Variants in RBFOX3 observed in about 807,000 individuals in gnomAD.
The protein encoded by RBFOX3 is RNA binding protein fox-1 homolog 3.
A neutral mutation model predicts 48.7 loss-of-function variants in RBFOX3; 17 were observed. That is an observed-to-expected ratio of 0.35 (90% CI 0.24 to 0.52). The LOEUF is 0.52. Among genes scored for constraint, RBFOX3 ranks in the 20% least tolerant of loss-of-function variants. RBFOX3 has a pLI of 0.94. For missense variants in RBFOX3, 382 were observed against 497.5 expected, an observed-to-expected ratio of 0.77 and a Z score of 2.21; for synonymous variants, 212 against 209.5, an observed-to-expected ratio of 1.01 and a Z score of -0.10.
chr17:79,600,024 G>A (rs1214199484), intron 1 of RBFOX3: 4 of 152,234 alleles, frequency 2.6e-5, no homozygotes, highest in Admixed American at 1.3e-4. Flanking sequence ...GAGTCTTCAA[G>A]GTACTGAAAT....
At chr17:79,294,868 C>T (rs2074067308) in intron 3 of RBFOX3, among the ~76,000 whole-genome samples, 2 of 152,222 alleles carry the variant, frequency 1.3e-5, no homozygotes, top group Admixed American at 1.3e-4. Flanking sequence ...GATTGCTTGT[C>T]ACTTGCTTTA....
rs77704088 is a variant in RBFOX3 at position 79,323,257 on chromosome 17, A to G, written c.-174-15433T>C. On this transcript the variant is annotated intron_variant, in intron 2 of 14. Coordinates refer to ENST00000693108, the MANE Select transcript of RBFOX3 (RefSeq NM_001350451.2). ...TGCTATTGTTTTCCACAATATCAAG[A>G]AAAACATTGAGCTAGGGCATCTCAA... 3.2e-3 allele frequency among the ~76,000 whole-genome samples: 488 copies of G among 152,346 alleles called. 1 individual carries two copies. The highest frequency in any genetic ancestry group is 0.011 in the African/African-American group (471 of 41,580).
At chr17:79,655,085 C>T in the RBFOX3 span, among the ~76,000 whole-genome samples, 1 of 152,208 alleles carries the variant, frequency 6.6e-6, no homozygotes, top group Non-Finnish European at 1.5e-5. Flanking sequence ...AGTAGATGAA[C>T]ACACCGGGCC....
In RBFOX3 at chr17:79,115,737, G is replaced by T; in HGVS notation, c.-22C>A. The T allele has an allele frequency of 1.4e-6, 1 of 736,768 alleles. No homozygotes were observed. Among genetic ancestry groups the T allele is most frequent in the Non-Finnish European group, 2.3e-6 (1 of 433,912 alleles). The allele number at this position is 736,768 out of a possible 1,614,324, so 45.6% of individuals were successfully genotyped here. On this transcript the variant is annotated 5_prime_UTR_variant, in exon 5 of 15. Coordinates refer to ENST00000693108, the MANE Select transcript of RBFOX3 (RefSeq NM_001350451.2). The stretch of plus-strand genomic sequence containing the variant: ...CCATCGCTTCAGGCGGAGCCGTGGC[G>T]TCCTGATCGCTCTGTGGAAGGAGAG...
rs908971136 is a variant in RBFOX3, at chr17:79,597,335, C to T, written c.-320+13491G>A. Among the ~76,000 whole-genome samples, 206 of 152,224 alleles carry T rather than the reference C, an allele frequency of 1.4e-3. 2 individuals are homozygous for T. Among genetic ancestry groups the T allele is most frequent in the African/African-American group, 4.8e-3 (198 of 41,524 alleles). ...GCATTGGGAATGAGAGAGTGTTGGC[C>T]GGGTAAGATGGCAAGACAGACACAG... On this transcript the variant is annotated intron_variant, in intron 1 of 14. Coordinates refer to ENST00000693108, the MANE Select transcript of RBFOX3 (RefSeq NM_001350451.2).
At chr17:79,450,441 T>C (rs1332795461) in intron 2 of RBFOX3, among the ~76,000 whole-genome samples, 1 of 152,042 alleles carries the variant, frequency 6.6e-6, no homozygotes, top group East Asian at 1.9e-4. Flanking sequence ...GATGTCCCCA[T>C]CGGAGCCATC....
the RBFOX3 span, among the ~76,000 whole-genome samples, chr17:79,630,089 T>C: frequency 1.3e-5 from 2 of 152,218 alleles, no homozygotes; most frequent in South Asian, 4.1e-4. Flanking sequence ...ATTTTTTAAC[T>C]TGGTAAGGCA....
chr17:79,150,623 A>G (rs1176643024), intron 4 of RBFOX3, among the ~76,000 whole-genome samples: 1 of 152,068 alleles, frequency 6.6e-6, no homozygotes, highest in Non-Finnish European at 1.5e-5. Context: ...AGTAGGGGAT[A>G]CCTGACCACC....
intron 2 of RBFOX3, among the ~76,000 whole-genome samples, chr17:79,389,969 AGCCTCCGGGTCTCCGCAGCCTCCAG>A (rs2061131219): frequency 7.0e-6 from 1 of 143,364 alleles, no homozygotes; most frequent in Admixed American, 6.9e-5. Flanking sequence ...AGGTCTCTGT[AGCCTCCGGGTCTCCGCAGCCTCCAG>A]GTCTCCGCAG....
chr17:79,427,631 C>T (rs1419906506), intron 2 of RBFOX3, among the ~76,000 whole-genome samples: 1 of 152,192 alleles, frequency 6.6e-6, no homozygotes. Flanking sequence ...ACCGTGGAGA[C>T]CCTTGTTAGG....
chr17:79,101,604 G>A lies in RBFOX3; in HGVS notation c.548C>T (p.Thr183Met), dbSNP rs542684395. Reference sequence around the variant, plus strand: ...CTTACCGTTGGTGTAGGGGTTCCCCGTCTTCTTGTTGGTCATCACTCGGGC... The same window carrying A: ...CTTACCGTTGGTGTAGGGGTTCCCCATCTTCTTGTTGGTCATCACTCGGGC... ...ATARVMTNKK[T>M]GNPYTNGWKL... The change falls in exon 9 of 15, where the codon ACG (threonine) becomes ATG (methionine). Residue 183 changes from threonine (T) to methionine (M), a missense_variant. Physicochemically the swap from Thr to Met is moderately conservative, Grantham distance 81. This residue lies in a region of RBFOX3 where 215 missense variants were observed against 254.8 expected (regional missense o/e 0.84). Transcript: ENST00000693108. The A allele has an allele frequency of 1.1e-4, 163 of 1,551,180 alleles. No individual in the cohort carries two copies. The highest frequency in any genetic ancestry group is 5.5e-4 in the Admixed American group (28 of 51,000).
chr17:79,347,222 T>A (rs566532550), intron 2 of RBFOX3, among the ~76,000 whole-genome samples: 36 of 152,354 alleles, frequency 2.4e-4, no homozygotes, highest in South Asian at 1.5e-3. Context: ...GAAGTCTGTA[T>A]AATAACTTGC....
chr17:79,093,099 G>A (rs1171066991), intron 14 of RBFOX3, among the ~76,000 whole-genome samples: 4 of 152,228 alleles, frequency 2.6e-5, no homozygotes, highest in Non-Finnish European at 5.9e-5. Context: ...TACGCTGGGA[G>A]AGGCAAGCCT....
chr17:79,586,765 C>A (rs1390100166), intron 1 of RBFOX3, among the ~76,000 whole-genome samples: 1 of 152,188 alleles, frequency 6.6e-6, no homozygotes, highest in Admixed American at 6.5e-5. Flanking sequence ...CTGGAGAGCC[C>A]ACCTTGTTTG....
intron 2 of RBFOX3, among the ~76,000 whole-genome samples, chr17:79,472,526 G>A (rs930482917): frequency 3.9e-5 from 6 of 152,108 alleles, no homozygotes; most frequent in Non-Finnish European, 5.9e-5. Flanking sequence ...ATCAAGGGGC[G>A]GCCATGTGAG....
intron 1 of RBFOX3, among the ~76,000 whole-genome samples, chr17:79,538,091 CCT>C (rs1219349277): frequency 1.1e-4 from 17 of 152,210 alleles, no homozygotes; most frequent in Admixed American, 1.1e-3. Flanking sequence ...CAGCTCTTCC[CCT>C]GAGCCAGGCT....
chr17:79,449,754 A>C (rs1464390806), intron 2 of RBFOX3, among the ~76,000 whole-genome samples: 1 of 151,944 alleles, frequency 6.6e-6, no homozygotes, highest in African/African-American at 2.4e-5. Context: ...GCGCACATAC[A>C]TGGATGCAAC....
chr17:79,428,716 C>T (rs1320827749), intron 2 of RBFOX3, among the ~76,000 whole-genome samples: 2 of 152,226 alleles, frequency 1.3e-5, no homozygotes, highest in Admixed American at 6.5e-5. Flanking sequence ...ACGTCCCCAG[C>T]AGGACGTGGC....
intron 3 of RBFOX3, among the ~76,000 whole-genome samples, chr17:79,275,359 C>T (rs111771212): frequency 1.3e-5 from 2 of 152,218 alleles, no homozygotes; most frequent in African/African-American, 4.8e-5. Context: ...AGGCCCCTGA[C>T]CACCAGGCCT....
Sources: allele counts gnomAD v4.1 joint callset (sites outside exome capture counted in the v4.1 genomes callset), GRCh38; gene constraint gnomAD v4.1.1; regional missense constraint gnomAD v4.1.1; transcripts MANE v1.5; gene names NCBI Gene and HGNC (gene_info 2026-07-23, HGNC 2026-07-21).